Variants in FMN1 observed in about 807,000 individuals in gnomAD.
FMN1 encodes the protein formin 1.
A neutral mutation model predicts 132.4 loss-of-function variants in FMN1; 110 were observed. That is an observed-to-expected ratio of 0.83 (90% CI 0.71 to 0.97). The LOEUF (loss-of-function observed/expected upper bound fraction) is 0.97. Among genes scored for constraint, FMN1 ranks in the 50% least tolerant of loss-of-function variants. The pLI is 0.00. For synonymous variants in FMN1, 722 were observed against 651.7 expected, an observed-to-expected ratio of 1.11 and a Z score of -1.64; for missense variants, 1,792 against 1,705.3, an observed-to-expected ratio of 1.05 and a Z score of -0.90.
At chr15:32,899,445 C>T (rs1016851368) in intron 14 of FMN1, among the ~76,000 whole-genome samples, 2 of 152,212 alleles carry the variant, frequency 1.3e-5, no homozygotes, top group Non-Finnish European at 2.9e-5. Context: ...CCTGCACCCC[C>T]CTGCCCCCCA....
chr15:32,995,627 C>A (rs2033719373), intron 7 of FMN1, among the ~76,000 whole-genome samples: 1 of 152,160 alleles, frequency 6.6e-6, no homozygotes, highest in Non-Finnish European at 1.5e-5. Context: ...GATGTTTTAT[C>A]TCTAGCACAT....
At chr15:33,187,485 G>A (rs1203344276) in intron 2 of FMN1, among the ~76,000 whole-genome samples, 1 of 152,200 alleles carries the variant, frequency 6.6e-6, no homozygotes, top group Non-Finnish European at 1.5e-5. Flanking sequence ...CCTACTTCCT[G>A]GCAGTGTCCC....
chr15:33,148,398 T>G (rs1329634978), intron 4 of FMN1, among the ~76,000 whole-genome samples: 1 of 152,232 alleles, frequency 6.6e-6, no homozygotes, highest in East Asian at 1.9e-4. Flanking sequence ...TCATCCAGAC[T>G]CCCATTGGCT....
chr15:32,994,631 C>A (rs570794134), intron 7 of FMN1, among the ~76,000 whole-genome samples: 1 of 152,200 alleles, frequency 6.6e-6, no homozygotes, highest in East Asian at 1.9e-4. Flanking sequence ...GTCCTGCTCC[C>A]TCGAGCACCT....
intron 10 of FMN1, among the ~76,000 whole-genome samples, chr15:32,912,471 T>C (rs1295747475): frequency 1.3e-5 from 2 of 152,210 alleles, no homozygotes; most frequent in South Asian, 2.1e-4. Flanking sequence ...GCAAAGTACT[T>C]AATTAATCTC....
chr15:33,011,251 T>C (rs979106827), intron 6 of FMN1, among the ~76,000 whole-genome samples: 4 of 152,096 alleles, frequency 2.6e-5, no homozygotes, highest in African/African-American at 4.8e-5. Context: ...AAAGATACCA[T>C]GATTTATAGG....
At chr15:33,174,754 C>G (rs202164196) in intron 3 of FMN1, among the ~76,000 whole-genome samples, 2,848 of 152,006 alleles carry the variant, frequency 0.019, 95 homozygotes, top group African/African-American at 0.065. Context: ...TTGCCAGCTC[C>G]CATACTGTGA....
chr15:33,090,950 A>C (rs111835741), intron 4 of FMN1, among the ~76,000 whole-genome samples: 65 of 152,172 alleles, frequency 4.3e-4, no homozygotes, highest in African/African-American at 1.5e-3. Context: ...CTTTGGCATA[A>C]ATTTTTTAAA....
intron 17 of FMN1, among the ~76,000 whole-genome samples, chr15:32,826,049 A>T (rs1438099914): frequency 6.6e-6 from 1 of 152,244 alleles, no homozygotes; most frequent in Non-Finnish European, 1.5e-5. Context: ...CTGTTTGGAT[A>T]ACAAAACTCG....
chr15:33,150,877 G>T, intron 4 of FMN1: 1 of 993,488 alleles, frequency 1.0e-6, no homozygotes, highest in Non-Finnish European at 1.2e-6. Flanking sequence ...TTCAGATAAA[G>T]GGACACTGTA....
intron 17 of FMN1, among the ~76,000 whole-genome samples, chr15:32,815,624 G>C (rs1284509267): frequency 6.6e-6 from 1 of 152,200 alleles, no homozygotes; most frequent in African/African-American, 2.4e-5. Context: ...AGACTGAATA[G>C]ATAGTGGATT....
chr15:33,144,065 G>A (rs957904504), intron 4 of FMN1, among the ~76,000 whole-genome samples: 6 of 152,316 alleles, frequency 3.9e-5, no homozygotes, highest in East Asian at 1.9e-4. Flanking sequence ...GTGACTTCAC[G>A]TGATTCAGAA....
At position 32,908,508 on chromosome 15, in the gene FMN1, A is replaced by G; in HGVS notation, c.3359T>C (p.Leu1120Pro). The change falls in exon 12 of 21, where the codon CTG becomes CCG. Residue 1120 changes from leucine to proline, a missense_variant. This residue lies in a region of FMN1 where 1,150 missense variants were observed against 1,043.1 expected (regional missense o/e 1.10). Coordinates refer to ENST00000616417, the MANE Select transcript of FMN1 (RefSeq NM_001277313.2). ...TCCTTACTGCTCAGGTTTATCCAGC[A>G]GCTTCAGTTCTTCTTCTTTGGATGT... ...YETSKEEELK[L>P]LDKPEQFLHE... 3 of 1,610,762 alleles carry G rather than the reference A, an allele frequency of 1.9e-6. No homozygotes were observed. The highest frequency in any genetic ancestry group is 2.5e-6 in the Non-Finnish European group (3 of 1,177,538).
chr15:32,977,292 T>A (rs1261013013), intron 7 of FMN1, among the ~76,000 whole-genome samples: 1 of 152,172 alleles, frequency 6.6e-6, no homozygotes, highest in East Asian at 1.9e-4. Context: ...TTATCACTGA[T>A]CCTCAATGAT....
chr15:33,193,667 T>C lies in FMN1; in HGVS notation c.-197+242A>G, dbSNP rs184589589. On this transcript the variant is annotated intron_variant, in intron 2 of 20. Coordinates refer to ENST00000616417, the MANE Select transcript of FMN1 (RefSeq NM_001277313.2). ...CTCTGCATTCAGCCCATTCGGAGTG[T>C]GTGAGTGCTAACATGGAACTCTCCA... is the stretch of plus-strand genomic sequence containing the variant. Among the ~76,000 whole-genome samples, 4 of 152,240 alleles carry C rather than the reference T, an allele frequency of 2.6e-5. No homozygotes were observed. The East Asian group carries it at 7.7e-4, about 29-fold the overall frequency.
intron 9 of FMN1, among the ~76,000 whole-genome samples, chr15:32,959,511 A>G (rs576789771): frequency 6.6e-6 from 1 of 152,340 alleles, no homozygotes; most frequent in Admixed American, 6.5e-5. Flanking sequence ...TCTAAGCTGC[A>G]TATTACCACA....
At chr15:32,776,262 T>C (rs893798595) in intron 20 of FMN1, among the ~76,000 whole-genome samples, 21 of 152,194 alleles carry the variant, frequency 1.4e-4, no homozygotes, top group African/African-American at 4.8e-4. Context: ...TGGAGATTCA[T>C]TGTGATCTCT....
At position 33,150,312 on chromosome 15, in the gene FMN1, A is replaced by G. The variant is rs908336447; in HGVS notation, c.1867+2736T>C. Reference sequence around the variant, plus strand: ...GTTTGGGGGAAGACCATACTCCACAAAGGCTTGGGAACATTCCACATCAGT... The same window carrying G: ...GTTTGGGGGAAGACCATACTCCACAGAGGCTTGGGAACATTCCACATCAGT... On this transcript the variant is annotated intron_variant, in intron 4 of 20. Coordinates refer to ENST00000616417, the MANE Select transcript of FMN1 (RefSeq NM_001277313.2). The G allele has an allele frequency of 6.1e-6, 6 of 985,456 alleles. No individual in the cohort carries two copies. In the South Asian group the frequency reaches 2.8e-4, roughly 46 times the overall value. The allele number at this position is 985,456 out of a possible 1,614,324, so 61.0% of individuals were successfully genotyped here. A position where few individuals can be genotyped will look rare whatever the true frequency, so the allele number is the denominator to read the frequency against.
chr15:33,019,660 G>A (rs898530315), intron 6 of FMN1, among the ~76,000 whole-genome samples: 18 of 152,194 alleles, frequency 1.2e-4, no homozygotes, highest in East Asian at 1.9e-4. Flanking sequence ...CAAATCGAGC[G>A]CAGCACCAGT....
Sources: allele counts gnomAD v4.1 joint callset (sites outside exome capture counted in the v4.1 genomes callset), GRCh38; gene constraint gnomAD v4.1.1; regional missense constraint gnomAD v4.1.1; transcripts MANE v1.5; gene names NCBI Gene and HGNC (gene_info 2026-07-23, HGNC 2026-07-21).